The following DNAH7 variants were observed in gnomAD, a reference collection of about 807,000 sequenced individuals.
DNAH7 encodes axonemal beta dynein heavy chain 7.
In DNAH7, 397 loss-of-function variants were observed where a neutral mutation model predicts 444.6. The ratio of observed to expected loss-of-function variants is 0.89; its 90% confidence interval spans 0.82 to 0.97. DNAH7 has a LOEUF of 0.97. DNAH7 is among the 50% of genes least tolerant of loss of function. The pLI is 0.00. For missense variants in DNAH7, 4,902 were observed against 4,800.8 expected (o/e 1.02, Z -0.62); for synonymous variants, 1,636 against 1,624.4 (o/e 1.01, Z -0.17).
At chr2:196,050,911 C>G (rs1025202041) in intron 3 of DNAH7, among the ~76,000 whole-genome samples, 33 of 152,288 alleles carry the variant, frequency 2.2e-4, no homozygotes, top group African/African-American at 7.7e-4. Context: ...ACCCCAAGCC[C>G]TTTTTTATTT....
intron 54 of DNAH7, among the ~76,000 whole-genome samples, chr2:195,799,721 TTGAAA>T (rs752832379): frequency 9.0e-4 from 137 of 152,284 alleles, no homozygotes; most frequent in South Asian, 2.7e-3. Context: ...TTTTGTCCCC[TTGAAA>T]TGAATGTTCA....
intron 31 of DNAH7, among the ~76,000 whole-genome samples, chr2:195,891,383 G>A (rs991910255): frequency 1.8e-4 from 28 of 151,802 alleles, no homozygotes; most frequent in African/African-American, 6.8e-4. Context: ...ATCTCACTTC[G>A]GAGAAAATAA....
At chr2:195,861,318 T>C (rs902754259) in intron 42 of DNAH7, among the ~76,000 whole-genome samples, 3 of 152,196 alleles carry the variant, frequency 2.0e-5, no homozygotes, top group Non-Finnish European at 4.4e-5. Context: ...ATGTTTATAT[T>C]GATGTTTTCA....
At position 195,864,691 on chromosome 2, in the gene DNAH7, G is replaced by A. The variant is rs1375733374; in HGVS notation, c.6964C>T (p.His2322Tyr). 1 of 1,614,040 alleles carries A rather than the reference G, an allele frequency of 6.2e-7. No individual in the cohort carries two copies. Among genetic ancestry groups the A allele is most frequent in the Non-Finnish European group, 8.5e-7 (1 of 1,180,040 alleles). ...AGGATCCTGGAAATTCTGCTGATGT[G>A]CTCTATGGCAAATCGAAACAAGACA... Reference protein sequence around the residue: ...NLVLFRFAIEHISRISRILKQ... With the variant: ...NLVLFRFAIEYISRISRILKQ... Residue 2322 changes from histidine to tyrosine, a missense_variant, in exon 41 of 65, where the codon CAC becomes TAC. Transcript: ENST00000312428.
chr2:195,813,726 TTA>T (rs1160921865), intron 51 of DNAH7, among the ~76,000 whole-genome samples: 2 of 152,240 alleles, frequency 1.3e-5, no homozygotes, highest in Admixed American at 6.5e-5. Context: ...TTGTCTCTGA[TTA>T]TGTGTCATGT....
At chr2:195,950,876 A>AAAAC (rs1690201402) in intron 19 of DNAH7, among the ~76,000 whole-genome samples, 1 of 149,706 alleles carries the variant, frequency 6.7e-6, no homozygotes, top group Non-Finnish European at 1.5e-5. Context: ...AAAAAAAAAA[A>AAAAC]AAACCCAGCT....
intron 24 of DNAH7, among the ~76,000 whole-genome samples, chr2:195,912,747 A>G (rs1687436438): frequency 6.6e-6 from 1 of 152,232 alleles, no homozygotes; most frequent in African/African-American, 2.4e-5. Flanking sequence ...CACTTGTCAC[A>G]TATAAACCTA....
At chr2:195,789,651 A>G (rs1695782937) in intron 57 of DNAH7, among the ~76,000 whole-genome samples, 1 of 152,172 alleles carries the variant, frequency 6.6e-6, no homozygotes, top group Non-Finnish European at 1.5e-5. Flanking sequence ...AATTAGTATC[A>G]TCAATGAGGG....
chr2:195,799,221 T>C, intron 55 of DNAH7, 75 bp downstream of exon 55: 1 of 1,252,858 alleles, frequency 8.0e-7, no homozygotes, highest in Non-Finnish European at 1.1e-6. Context: ...CTTTCCCTCA[T>C]CCTTAAAATT....
At chr2:195,845,705 T>C (rs1698947067) in intron 46 of DNAH7, among the ~76,000 whole-genome samples, 1 of 152,140 alleles carries the variant, frequency 6.6e-6, no homozygotes, top group Non-Finnish European at 1.5e-5. Context: ...AATAAAGCTG[T>C]ACACCTACAA....
chr2:195,819,121 C>T (rs952014262), intron 49 of DNAH7, among the ~76,000 whole-genome samples: 1 of 152,146 alleles, frequency 6.6e-6, no homozygotes, highest in Non-Finnish European at 1.5e-5. Context: ...TTGTTATCCA[C>T]CAGATTAGCT....
rs142295625 is a variant in DNAH7, at chr2:195,992,269, T to C, written c.1354-4040A>G. ...CCCTCTCCCTCCTCCACCCCAATGCTTCCTCTCGGACCACACTGATGTTTT... is the reference window on the plus strand; with the variant it reads ...CCCTCTCCCTCCTCCACCCCAATGCCTCCTCTCGGACCACACTGATGTTTT... On this transcript the variant is annotated intron_variant, in intron 12 of 64. Coordinates refer to ENST00000312428, the MANE Select transcript of DNAH7 (RefSeq NM_018897.3). Among the ~76,000 whole-genome samples, 220 of 152,320 alleles carry C rather than the reference T, an allele frequency of 1.4e-3. No individual in the cohort carries two copies. The Middle Eastern group carries it at 0.017, about 12-fold the overall frequency.
At chr2:195,744,812 A>G (rs1693286545) in intron 63 of DNAH7, among the ~76,000 whole-genome samples, 1 of 152,202 alleles carries the variant, frequency 6.6e-6, no homozygotes, top group South Asian at 2.1e-4. Context: ...TTAGAAGGAA[A>G]ACTAACAAAC....
At position 195,961,685 on chromosome 2, in the gene DNAH7, A is replaced by G. The variant is rs956551415; in HGVS notation, c.2206-740T>C. On this transcript the variant is annotated intron_variant, in intron 17 of 64. Transcript: ENST00000312428. ...GTTAAAATAGTTAATGCACATTTACATATATAAAGAAAGAGTTTTTGTCTG... is the reference window on the plus strand; with the variant it reads ...GTTAAAATAGTTAATGCACATTTACGTATATAAAGAAAGAGTTTTTGTCTG... Among the ~76,000 whole-genome samples the G allele has an allele frequency of 3.3e-5, 5 of 152,262 alleles. 1 individual carries two copies. Among genetic ancestry groups the G allele is most frequent in the African/African-American group, 1.2e-4 (5 of 41,472 alleles).
intron 64 of DNAH7, among the ~76,000 whole-genome samples, chr2:195,739,901 A>G (rs1289100788): frequency 6.6e-6 from 1 of 152,120 alleles, no homozygotes; most frequent in East Asian, 1.9e-4. Context: ...CCTATTTAGT[A>G]CCAGGTTTTT....
intron 44 of DNAH7, among the ~76,000 whole-genome samples, chr2:195,856,589 G>C (rs1433986405): frequency 6.6e-6 from 1 of 152,130 alleles, no homozygotes; most frequent in Non-Finnish European, 1.5e-5. Flanking sequence ...TTGGATATGA[G>C]TTTGAAAAAC....
intron 61 of DNAH7, among the ~76,000 whole-genome samples, chr2:195,767,195 TAAG>T (rs980357287): frequency 3.3e-5 from 5 of 152,120 alleles, no homozygotes; most frequent in African/African-American, 1.2e-4. Context: ...TGTGAGTTAT[TAAG>T]AAGTGTTTTA....
intron 18 of DNAH7, among the ~76,000 whole-genome samples, chr2:195,958,292 G>A (rs1410822572): frequency 6.6e-6 from 1 of 151,978 alleles, no homozygotes; most frequent in African/African-American, 2.4e-5. Context: ...ATGATCCACT[G>A]GCACTTAATG....
intron 10 of DNAH7, among the ~76,000 whole-genome samples, chr2:196,006,664 G>A (rs149421135): frequency 0.02 from 3,058 of 151,300 alleles, 48 homozygotes; most frequent in Non-Finnish European, 0.03. Context: ...GAATCCACAC[G>A]CAAAAACCAT....
Sources: gnomAD v4.1 joint callset for allele counts (sites outside exome capture counted in the v4.1 genomes callset) on GRCh38, gnomAD v4.1.1 for gene constraint, MANE v1.5 for transcripts, NCBI Gene and HGNC (gene_info 2026-07-23, HGNC 2026-07-21) for gene names.